The following PKHD1 variants were observed in gnomAD, a reference collection of about 807,000 sequenced individuals.
PKHD1 encodes PKHD1 ciliary IPT domain containing fibrocystin/polyductin, also known as fibrocystin.
In PKHD1, 291 loss-of-function variants were observed where a neutral mutation model predicts 412.0. The ratio of observed to expected loss-of-function variants is 0.71; its 90% CI spans 0.64 to 0.78. The LOEUF (loss-of-function observed/expected upper bound fraction) is 0.78, where lower values mean the gene tolerates loss of function less well. Among genes scored for constraint, PKHD1 ranks in the 30% least tolerant of loss-of-function variants. The probability of loss-of-function intolerance (pLI) is 0.00; values close to 1 mark genes in which losing one functional copy is unlikely to be tolerated. For missense variants in PKHD1, 4,825 were observed against 4,950.7 expected, an observed-to-expected ratio of 0.97 and a Z score of 0.76; for synonymous variants, 1,777 against 1,821.5, an observed-to-expected ratio of 0.98 and a Z score of 0.62.
chr6:51,950,123 G>A (rs920781925), intron 36 of PKHD1, among the ~76,000 whole-genome samples: 1 of 150,178 alleles, frequency 6.7e-6, no homozygotes, highest in African/African-American at 2.5e-5. Flanking sequence ...ACAGGATGCA[G>A]GACAAGAATC....
rs771157251 is a variant in PKHD1 at position 52,025,137 on chromosome 6, C to T, written c.4673G>A (p.Gly1558Glu). Residue 1558 changes from glycine to glutamate, a missense_variant, in exon 32 of 67, where the codon GGG (glycine) becomes GAG (glutamate). Physicochemically the swap from Gly to Glu is moderately conservative, Grantham distance 98. Coordinates refer to ENST00000371117, the MANE Select transcript of PKHD1 (RefSeq NM_138694.4). Reference sequence around the variant, plus strand: ...GGAAACATTACCAGAACAAGCATACCCATTTCTTGTATAAAAAACTGACAG... The same window carrying T: ...GGAAACATTACCAGAACAAGCATACTCATTTCTTGTATAAAAAACTGACAG... The part of the protein sequence containing the change: ...HYLSVFYTRN[G>E]YACSGNVSRH... The T allele has an allele frequency of 1.9e-6, 3 of 1,613,986 alleles. No homozygotes were observed. The highest frequency in any genetic ancestry group is 2.2e-5 in the East Asian group (1 of 44,878).
At chr6:51,694,137 T>G (rs1383854889) in intron 60 of PKHD1, among the ~76,000 whole-genome samples, 1 of 152,148 alleles carries the variant, frequency 6.6e-6, no homozygotes, top group Non-Finnish European at 1.5e-5. Flanking sequence ...CTTGCTGTTA[T>G]GATGCTTTTT....
intron 60 of PKHD1, among the ~76,000 whole-genome samples, chr6:51,691,851 T>C (rs995544546): frequency 6.6e-6 from 1 of 152,182 alleles, no homozygotes; most frequent in African/African-American, 2.4e-5. Flanking sequence ...ATCATTGATG[T>C]GCCTTTCAGC....
Position 52,025,203 on chromosome 6 carries a change from A to G in PKHD1, c.4607T>C (p.Val1536Ala). The G allele has an allele frequency of 6.2e-7, 1 of 1,614,200 alleles. No homozygotes were observed. The highest frequency in any genetic ancestry group is 1.1e-5 in the South Asian group (1 of 91,086). The change falls in exon 32 of 67, where the codon GTT (valine) becomes GCT (alanine). Residue 1536 changes from valine to alanine, a missense_variant. Coordinates refer to ENST00000371117, the MANE Select transcript of PKHD1 (RefSeq NM_138694.4). ...GGCCAAGTCTCTTGTCTGGCACACAACGTGGCTTGCATTAAAAAAAGTTAC... is the reference window on the plus strand; with the variant it reads ...GGCCAAGTCTCTTGTCTGGCACACAGCGTGGCTTGCATTAAAAAAAGTTAC... Reference protein sequence around the residue: ...CNVTFFNASHVVCQTRDLAPG... With the variant: ...CNVTFFNASHAVCQTRDLAPG...
At chr6:51,676,006 A>G (rs1333937762) in intron 60 of PKHD1, among the ~76,000 whole-genome samples, 4 of 152,100 alleles carry the variant, frequency 2.6e-5, no homozygotes, top group African/African-American at 9.7e-5. Context: ...GAAGCTACAG[A>G]CGTAGAAACC....
chr6:51,938,151 A>G (rs1321058058), intron 36 of PKHD1, among the ~76,000 whole-genome samples: 3 of 152,166 alleles, frequency 2.0e-5, no homozygotes, highest in African/African-American at 7.2e-5. Flanking sequence ...TGTTTAGCAT[A>G]TTTAAATGAT....
chr6:51,896,943 C>T (rs1263682215), intron 43 of PKHD1, among the ~76,000 whole-genome samples: 14 of 151,882 alleles, frequency 9.2e-5, no homozygotes, highest in South Asian at 2.1e-4. Context: ...TGAAATGAAG[C>T]GAGAAGGGAA....
intron 55 of PKHD1, among the ~76,000 whole-genome samples, chr6:51,772,434 A>AT (rs1790303331): frequency 6.6e-6 from 1 of 151,848 alleles, no homozygotes. Flanking sequence ...ATATTTTAAG[A>AT]TTTTATGGAC....
intron 21 of PKHD1, 92 bp from the exon 22 acceptor site, chr6:52,050,387 T>C: frequency 8.0e-7 from 1 of 1,250,346 alleles, no homozygotes; most frequent in Non-Finnish European, 1.2e-6. Context: ...GTTACTCAGA[T>C]CTCAGTACAC....
intron 35 of PKHD1, among the ~76,000 whole-genome samples, chr6:51,982,418 T>C (rs1351678471): frequency 7.3e-6 from 1 of 136,362 alleles, no homozygotes; most frequent in Non-Finnish European, 1.6e-5. Context: ...GCCGGGTTTG[T>C]GTGGATAGAA....
At chr6:51,813,282 A>G (rs1344965164) in intron 52 of PKHD1, among the ~76,000 whole-genome samples, 1 of 152,180 alleles carries the variant, frequency 6.6e-6, no homozygotes, top group African/African-American at 2.4e-5. Flanking sequence ...GTCACACCAT[A>G]TTTATAAAGC....
At chr6:51,666,698 C>G in intron 60 of PKHD1, among the ~76,000 whole-genome samples, 1 of 119,732 alleles carries the variant, frequency 8.4e-6, no homozygotes, top group East Asian at 3.0e-4. Context: ...TCCCCCCTCC[C>G]CCCACCCCAC....
intron 8 of PKHD1, 129 bp downstream of exon 8, chr6:52,071,986 T>C (rs1044233428): frequency 1.4e-6 from 1 of 708,252 alleles, no homozygotes; most frequent in Non-Finnish European, 2.6e-6. Flanking sequence ...TAAATAGCTA[T>C]GTGTGATTTA....
chr6:51,867,730 T>C, intron 48 of PKHD1, 133 bp downstream of exon 48: 1 of 830,532 alleles, frequency 1.2e-6, no homozygotes, highest in Non-Finnish European at 2.0e-6. Flanking sequence ...GTCAAAATTA[T>C]TCCCATTTCA....
chr6:51,619,881 G>C (rs1267282319), intron 66 of PKHD1, among the ~76,000 whole-genome samples: 3 of 152,148 alleles, frequency 2.0e-5, no homozygotes, highest in Non-Finnish European at 4.4e-5. Flanking sequence ...TCACACCTGT[G>C]TTAAGAGATA....
chr6:51,945,283 G>C (rs574464734), intron 36 of PKHD1, among the ~76,000 whole-genome samples: 140 of 152,306 alleles, frequency 9.2e-4, no homozygotes, highest in Non-Finnish European at 1.7e-3. Context: ...TGAGCAAGTG[G>C]TAAAGGCAGG....
intron 35 of PKHD1, among the ~76,000 whole-genome samples, chr6:51,986,568 C>G (rs1406582684): frequency 6.6e-6 from 1 of 152,134 alleles, no homozygotes; most frequent in African/African-American, 2.4e-5. Flanking sequence ...AAAAGTGAAA[C>G]AACTGAAGTT....
chr6:51,633,573 C>G (rs1381132731), intron 64 of PKHD1, among the ~76,000 whole-genome samples: 1 of 152,098 alleles, frequency 6.6e-6, no homozygotes, highest in Non-Finnish European at 1.5e-5. Flanking sequence ...AACAAACACA[C>G]AATTGATAAC....
chr6:52,069,203 C>T (rs1160481612), intron 11 of PKHD1, among the ~76,000 whole-genome samples: 1 of 152,206 alleles, frequency 6.6e-6, no homozygotes. Context: ...TAAGGCAAGA[C>T]TCTCCTTTCT....
Sources: allele counts gnomAD v4.1 joint callset (sites outside exome capture counted in the v4.1 genomes callset), GRCh38; gene constraint gnomAD v4.1.1; transcripts MANE v1.5; gene names NCBI Gene and HGNC (gene_info 2026-07-23, HGNC 2026-07-21).